Variants in PKD2 observed in about 807,000 individuals in gnomAD.
PKD2 encodes polycystin-2.
In PKD2, 48 loss-of-function variants were observed where a neutral mutation model predicts 105.9. That is an observed-to-expected ratio of 0.45 (90% CI 0.36 to 0.58). The LOEUF (loss-of-function observed/expected upper bound fraction) is 0.58, where lower values mean the gene tolerates loss of function less well. PKD2 is among the 20% of genes least tolerant of loss of function. PKD2 has a pLI of 0.00. For missense variants in PKD2, 1,078 were observed against 1,255.3 expected, an observed-to-expected ratio of 0.86 and a Z score of 2.13; for synonymous variants, 464 against 481.1, an observed-to-expected ratio of 0.96 and a Z score of 0.46.
chr4:88,041,261 C>A (rs1307186911), intron 4 of PKD2, among the ~76,000 whole-genome samples: 1 of 152,190 alleles, frequency 6.6e-6, no homozygotes, highest in African/African-American at 2.4e-5. Context: ...CTGGCAGTCA[C>A]TGTGGTTACG....
At chr4:88,025,946 C>T (rs1163911386) in intron 2 of PKD2, among the ~76,000 whole-genome samples, 1 of 152,198 alleles carries the variant, frequency 6.6e-6, no homozygotes, top group Admixed American at 6.5e-5. Flanking sequence ...CCTTCCCAGC[C>T]ATTTGGAACT....
chr4:88,040,494 T>C (rs1054852562), intron 4 of PKD2, among the ~76,000 whole-genome samples: 3 of 152,228 alleles, frequency 2.0e-5, no homozygotes, highest in Non-Finnish European at 2.9e-5. Context: ...TTTATTCTTC[T>C]ACATTCTCAA....
rs1261120756 is a variant in PKD2, at chr4:88,075,496, A to G, written c.2709A>G (p.Glu903=). 1 of 1,614,066 alleles carries G rather than the reference A, an allele frequency of 6.2e-7. No homozygotes were observed. Among genetic ancestry groups the G allele is most frequent in the East Asian group, 2.2e-5 (1 of 44,880 alleles). Residue 903 remains glutamate, a synonymous_variant, in exon 15 of 15, where the codon GAA becomes GAG. Transcript: ENST00000237596. ...GTCGTGACAGTGAAATCCATAGGGA[A>G]CAGATGGAACGGCTAGTACGTGAAG... ...RLGRDSEIHR[E]QMERLVREEL... is the part of the protein sequence containing the mutation.
At chr4:88,015,151 G>C (rs1179938899) in intron 1 of PKD2, among the ~76,000 whole-genome samples, 1 of 152,196 alleles carries the variant, frequency 6.6e-6, no homozygotes. Context: ...CAGATGAAGT[G>C]ATACAATAGC....
chr4:88,048,393 T>G (rs1370055892), intron 6 of PKD2, among the ~76,000 whole-genome samples: 4 of 152,166 alleles, frequency 2.6e-5, no homozygotes, highest in African/African-American at 7.2e-5. Context: ...AATATATTAT[T>G]CATATGTGAG....
intron 13 of PKD2, among the ~76,000 whole-genome samples, chr4:88,070,517 A>C (rs1344428501): frequency 6.7e-6 from 1 of 148,436 alleles, no homozygotes; most frequent in East Asian, 2.0e-4. Context: ...TTCTTCTGTC[A>C]GCTTGCTTAA....
intron 9 of PKD2, among the ~76,000 whole-genome samples, 189 bp from the exon 10 acceptor site, chr4:88,061,717 A>G (rs1392235039): frequency 6.6e-6 from 1 of 151,972 alleles, no homozygotes; most frequent in Non-Finnish European, 1.5e-5. Flanking sequence ...CAGCCTGGGC[A>G]ACACAGTGAG....
Position 88,007,701 on chromosome 4 carries a change from C to A in PKD2, c.-33C>A, listed in dbSNP as rs1335599851. On this transcript the variant is annotated 5_prime_UTR_variant, in exon 1 of 15. Coordinates refer to ENST00000237596, the MANE Select transcript of PKD2 (RefSeq NM_000297.4). ...AGGCGCACAGCGCCGAGCGCGGCGC[C>A]GCGCACCCGCGCGCCGGACGCCAGT... is the stretch of plus-strand genomic sequence containing the variant. 1.7e-6 allele frequency: 2 copies of A among 1,160,314 alleles called. No individual in the cohort carries two copies. Among genetic ancestry groups the A allele is most frequent in the South Asian group, 2.6e-5 (1 of 38,654 alleles). The allele number at this position is 1,160,314 out of a possible 1,614,324, so 71.9% of individuals were successfully genotyped here.
chr4:88,057,023 T>G (rs1026011776), intron 8 of PKD2, among the ~76,000 whole-genome samples: 1 of 152,100 alleles, frequency 6.6e-6, no homozygotes, highest in African/African-American at 2.4e-5. Flanking sequence ...ACGGTCTTGC[T>G]CTGTTGCCCA....
chr4:88,010,047 G>A (rs1187893404), intron 1 of PKD2, among the ~76,000 whole-genome samples: 1 of 151,878 alleles, frequency 6.6e-6, no homozygotes, highest in Non-Finnish European at 1.5e-5. Flanking sequence ...TCTAGCCAAA[G>A]TGTGTCAATG....
intron 2 of PKD2, among the ~76,000 whole-genome samples, chr4:88,024,267 G>A (rs1726868549): frequency 6.6e-6 from 1 of 151,746 alleles, no homozygotes; most frequent in Non-Finnish European, 1.5e-5. Flanking sequence ...GACCAGCCTG[G>A]GCAACTTGGC....
intron 10 of PKD2, among the ~76,000 whole-genome samples, chr4:88,063,104 G>A (rs1345237951): frequency 1.3e-5 from 2 of 152,176 alleles, no homozygotes; most frequent in Non-Finnish European, 2.9e-5. Context: ...GGCTGAGCAG[G>A]CTCACTGGTC....
Position 88,007,767 on chromosome 4 carries a change from C to T in PKD2, c.34C>T (p.Pro12Ser). Reference sequence around the variant, plus strand: ...CTCCAGTCGCGTGCAGCCTCAGCAGCCCGGGGACGCCAAGCGGCCGCCCGC... The same window carrying T: ...CTCCAGTCGCGTGCAGCCTCAGCAGTCCGGGGACGCCAAGCGGCCGCCCGC... ...VNSSRVQPQQ[P>S]GDAKRPPAPR... Residue 12 changes from proline (P) to serine (S), a missense_variant, in exon 1 of 15, where the codon CCC becomes TCC. Pro to Ser is a moderately conservative substitution (Grantham distance 74). Around this residue, in one of 2 missense-constraint regions of PKD2, gnomAD observed 210 missense variants for 187.9 expected, o/e 1.12. Coordinates refer to ENST00000237596, the MANE Select transcript of PKD2 (RefSeq NM_000297.4). The T allele has an allele frequency of 1.7e-6, 2 of 1,184,422 alleles. No homozygotes were observed. The highest frequency in any genetic ancestry group is 2.5e-5 in the South Asian group (1 of 40,666). 73.4% of individuals were successfully genotyped at this position (1,184,422 alleles called of 1,614,324 possible). A position where few individuals can be genotyped will look rare whatever the true frequency, so the allele number is the denominator to read the frequency against.
rs17013754 is a variant in PKD2 at position 88,046,681 on chromosome 4, A to T, written c.1359A>T (p.Pro453=). The change falls in exon 6 of 15, where the codon CCA becomes CCT. Residue 453 remains proline, a synonymous_variant. Coordinates refer to ENST00000237596, the MANE Select transcript of PKD2 (RefSeq NM_000297.4). Reference sequence around the variant, plus strand: ...TCCCAGCAACAGGTGGTGTGATTCCATCTTGGCAATTTCAGCCTTTAAAGC... The same window carrying T: ...TCCCAGCAACAGGTGGTGTGATTCCTTCTTGGCAATTTCAGCCTTTAAAGC... The part of the protein sequence containing the change: ...VEFPATGGVI[P]SWQFQPLKLI... 1.9e-6 allele frequency: 3 copies of T among 1,613,546 alleles called. No homozygotes were observed. Among genetic ancestry groups the T allele is most frequent in the Non-Finnish European group, 2.5e-6 (3 of 1,179,450 alleles).
At chr4:88,034,312 C>T (rs1045884802) in intron 2 of PKD2, among the ~76,000 whole-genome samples, 2 of 151,996 alleles carry the variant, frequency 1.3e-5, no homozygotes, top group Non-Finnish European at 2.9e-5. Context: ...CAAACACACT[C>T]GTGTTTGGAT....
In PKD2 at chr4:88,065,483, A is replaced by G. The variant is rs1015620187; in HGVS notation, c.2228A>G (p.Gln743Arg). 1 of 1,613,916 alleles carries G rather than the reference A, an allele frequency of 6.2e-7. No homozygotes were observed. The highest frequency in any genetic ancestry group is 1.7e-4 in the Middle Eastern group (1 of 6,060). ...GGKLNFDELR[Q>R]DLKGKGHTDA... ...AAGTTAAACTTTGACGAACTTCGAC[A>G]AGATCTCAAAGGGTGAGAATCATGC... is the stretch of plus-strand genomic sequence containing the variant. Residue 743 changes from glutamine to arginine, a missense_variant, in exon 11 of 15, where the codon CAA (glutamine) becomes CGA (arginine). Coordinates refer to ENST00000237596, the MANE Select transcript of PKD2 (RefSeq NM_000297.4).
chr4:88,036,796 C>T (rs1157249439), intron 3 of PKD2, among the ~76,000 whole-genome samples: 1 of 152,186 alleles, frequency 6.6e-6, no homozygotes, highest in Non-Finnish European at 1.5e-5. Flanking sequence ...TTGAGAATCT[C>T]CTAGAATGTA....
intron 13 of PKD2, among the ~76,000 whole-genome samples, chr4:88,068,391 A>T (rs1029908807): frequency 6.6e-6 from 1 of 151,152 alleles, no homozygotes. Flanking sequence ...AATTGCTTGA[A>T]CCCGGGAGGC....
chr4:88,024,160 A>G (rs1578121323), intron 2 of PKD2, among the ~76,000 whole-genome samples: 3 of 152,234 alleles, frequency 2.0e-5, no homozygotes, highest in African/African-American at 7.2e-5. Context: ...TATTTAGAAG[A>G]TCTTTGAAAA....
Sources: allele counts gnomAD v4.1 joint callset (sites outside exome capture counted in the v4.1 genomes callset), GRCh38; gene constraint gnomAD v4.1.1; regional missense constraint gnomAD v4.1.1; transcripts MANE v1.5; gene names NCBI Gene and HGNC (gene_info 2026-07-23, HGNC 2026-07-21).